The following IKZF1 variants were observed in gnomAD, a reference collection of about 807,000 sequenced individuals.
IKZF1 encodes DNA-binding protein Ikaros.
IKZF1 carries 10 observed loss-of-function variants against 51.7 expected under a neutral mutation model. That is an observed-to-expected ratio of 0.19 (90% CI 0.12 to 0.33). The LOEUF (loss-of-function observed/expected upper bound fraction) is 0.33. Ranked by LOEUF, IKZF1 falls within the 10% of genes least tolerant of loss-of-function variation. IKZF1 has a pLI of 1.00. For synonymous variants in IKZF1, 280 were observed against 282.3 expected (o/e 0.99, Z 0.08); for missense variants, 484 against 707.5 (o/e 0.68, Z 3.58).
intron 1 of IKZF1, among the ~76,000 whole-genome samples, chr7:50,309,247 C>G (rs776426999): frequency 5.3e-5 from 8 of 152,236 alleles, no homozygotes; most frequent in Non-Finnish European, 1.2e-4. Context: ...AATCAGCTCA[C>G]TGCTAAAGTA....
At chr7:50,399,129 A>T (rs1817450660) in intron 7 of IKZF1, among the ~76,000 whole-genome samples, 1 of 152,134 alleles carries the variant, frequency 6.6e-6, no homozygotes, top group South Asian at 2.1e-4. Context: ...AATAATTCTC[A>T]TTACTTTTAA....
At chr7:50,319,694 A>G (rs1365962424) in intron 2 of IKZF1, among the ~76,000 whole-genome samples, 1 of 152,232 alleles carries the variant, frequency 6.6e-6, no homozygotes, top group Non-Finnish European at 1.5e-5. Context: ...TCCCCAGTGC[A>G]TGGACATAGG....
chr7:50,367,043 C>T (rs1378594812), intron 3 of IKZF1, among the ~76,000 whole-genome samples: 1 of 152,158 alleles, frequency 6.6e-6, no homozygotes, highest in Non-Finnish European at 1.5e-5. Flanking sequence ...GTTCAAGAAA[C>T]AGCTTTCAAA....
chr7:50,397,915 C>T (rs921629195), intron 7 of IKZF1, among the ~76,000 whole-genome samples: 1 of 151,992 alleles, frequency 6.6e-6, no homozygotes, highest in Middle Eastern at 3.2e-3. Context: ...TAGATGAAAA[C>T]GAATGGAAAC....
chr7:50,392,198 G>A (rs1028403445), intron 7 of IKZF1, among the ~76,000 whole-genome samples: 2 of 152,148 alleles, frequency 1.3e-5, no homozygotes, highest in African/African-American at 2.4e-5. Context: ...CCACACTGCA[G>A]GACACTCCAG....
intron 3 of IKZF1, among the ~76,000 whole-genome samples, chr7:50,334,472 T>C (rs1258914146): frequency 6.6e-6 from 1 of 152,072 alleles, no homozygotes; most frequent in Non-Finnish European, 1.5e-5. Context: ...TGTAGTTGTA[T>C]GTTGTGTGTG....
At chr7:50,319,184 A>AG in intron 2 of IKZF1, 83 bp downstream of exon 2, 2 of 1,140,074 alleles carry the variant, frequency 1.8e-6, no homozygotes, top group Non-Finnish European at 2.6e-6. Flanking sequence ...TGGTATGCTC[A>AG]TGGGGGAGGA....
intron 2 of IKZF1, among the ~76,000 whole-genome samples, chr7:50,326,412 G>T (rs561574224): frequency 6.6e-6 from 1 of 152,284 alleles, no homozygotes; most frequent in South Asian, 2.1e-4. Flanking sequence ...TCTTCCACAC[G>T]TAGCTATACT....
chr7:50,351,330 T>C (rs1384922896), intron 3 of IKZF1, among the ~76,000 whole-genome samples: 2 of 152,244 alleles, frequency 1.3e-5, no homozygotes, highest in Non-Finnish European at 2.9e-5. Context: ...AAGTTTTGCA[T>C]GATTACACCT....
intron 3 of IKZF1, among the ~76,000 whole-genome samples, chr7:50,358,500 G>A (rs1345228171): frequency 6.6e-6 from 1 of 152,218 alleles, no homozygotes; most frequent in African/African-American, 2.4e-5. Context: ...CTCTCCAGCT[G>A]TATGGTGACA....
chr7:50,380,251 C>T (rs1349049024), intron 4 of IKZF1, among the ~76,000 whole-genome samples: 3 of 152,144 alleles, frequency 2.0e-5, no homozygotes, highest in African/African-American at 4.8e-5. Flanking sequence ...CATAGGCACT[C>T]AGAAGCAAAA....
At chr7:50,335,199 G>T (rs1454917375) in intron 3 of IKZF1, among the ~76,000 whole-genome samples, 11 of 143,922 alleles carry the variant, frequency 7.6e-5, no homozygotes, top group African/African-American at 2.3e-4. Context: ...GTGTGGTGTG[G>T]ATATGTATAT....
chr7:50,320,633 T>C (rs1253300928), intron 2 of IKZF1, among the ~76,000 whole-genome samples: 6 of 152,240 alleles, frequency 3.9e-5, no homozygotes, highest in African/African-American at 7.2e-5. Flanking sequence ...TTTCTACTTA[T>C]AATGATGACA....
chr7:50,306,669 G>T (rs1290120759), intron 1 of IKZF1, among the ~76,000 whole-genome samples: 1 of 152,190 alleles, frequency 6.6e-6, no homozygotes, highest in Non-Finnish European at 1.5e-5. Flanking sequence ...CATTTCCTTT[G>T]TCGAAAAACT....
At chr7:50,308,748 G>A (rs557744247) in intron 1 of IKZF1, 16 of 152,458 alleles carry the variant, frequency 1.0e-4, no homozygotes, top group African/African-American at 3.6e-4. Context: ...GGAACCTTTT[G>A]GAGGAGGAAG....
intron 6 of IKZF1, among the ~76,000 whole-genome samples, chr7:50,388,830 G>T (rs1400106595): frequency 6.6e-6 from 1 of 152,108 alleles, no homozygotes; most frequent in East Asian, 1.9e-4. Flanking sequence ...TAAGTGAATG[G>T]GTCTTGGAAG....
At position 50,304,812 on chromosome 7, in the gene IKZF1, C is replaced by G. The variant is rs1468944997; in HGVS notation, c.-125C>G. On this transcript the variant is annotated 5_prime_UTR_variant, in exon 1 of 8. Transcript: ENST00000331340. ...CGCATCCCAGCCTGGGCGGGACGCTCGGCCGCGGCGAGGCGGGCAAGCCTG... is the reference window on the plus strand; with the variant it reads ...CGCATCCCAGCCTGGGCGGGACGCTGGGCCGCGGCGAGGCGGGCAAGCCTG... 2.6e-5 allele frequency: 4 copies of G among 152,236 alleles called. No homozygotes were observed. Among genetic ancestry groups the G allele is most frequent in the Non-Finnish European group, 5.9e-5 (4 of 67,940 alleles). The allele number at this position is 152,236 out of a possible 1,614,324, so 9.4% of individuals were successfully genotyped here. A position where few individuals can be genotyped will look rare whatever the true frequency, so the allele number is the denominator to read the frequency against.
At chr7:50,399,864 C>T in intron 7 of IKZF1, 54 bp from the exon 8 acceptor site, 1 of 1,553,382 alleles carries the variant, frequency 6.4e-7, no homozygotes, top group East Asian at 2.4e-5. Flanking sequence ...GCTGCCAGAC[C>T]TGACCGGTTC....
At chr7:50,355,267 G>C (rs1451174196) in intron 3 of IKZF1, among the ~76,000 whole-genome samples, 1 of 152,226 alleles carries the variant, frequency 6.6e-6, no homozygotes, top group African/African-American at 2.4e-5. Context: ...TTAGTACCCT[G>C]TGAGAGCAGA....
Sources: gnomAD v4.1 joint callset for allele counts (sites outside exome capture counted in the v4.1 genomes callset) on GRCh38, gnomAD v4.1.1 for gene constraint, MANE v1.5 for transcripts, NCBI Gene and HGNC (gene_info 2026-07-23, HGNC 2026-07-21) for gene names.